DIAPH2: variants seen among roughly 807,000 people sequenced by gnomAD.
The protein encoded by DIAPH2 is protein diaphanous homolog 2.
In DIAPH2, 35 loss-of-function variants were observed where a neutral mutation model predicts 92.7. That is an observed-to-expected ratio of 0.38 (90% CI 0.29 to 0.50). DIAPH2 has a LOEUF of 0.50. Among genes scored for constraint, DIAPH2 ranks in the 20% least tolerant of loss-of-function variants. DIAPH2 has a pLI of 0.94. For synonymous variants in DIAPH2, 301 were observed against 280.4 expected (o/e 1.07, Z -0.73); for missense variants, 701 against 819.5 (o/e 0.86, Z 1.77).
At chrX:97,129,146 C>CTTTTCTTTCTTTTCTTTTCTTTTCTTTCT (rs113199689) in intron 21 of DIAPH2, among the ~76,000 whole-genome samples, 4 of 36,557 alleles carry the variant, frequency 1.1e-4, no homozygotes, top group African/African-American at 5.0e-4. Flanking sequence ...CTTTTCTTTT[C>CTTTTCTTTCTTTTCTTTTCTTTTCTTTCT]TTTCTTTTCT....
intron 5 of DIAPH2, among the ~76,000 whole-genome samples, chrX:96,888,611 ATATC>A (rs1214802071): frequency 1.0e-5 from 1 of 99,934 alleles, no homozygotes; most frequent in Non-Finnish European, 2.0e-5. Context: ...ATATCTATAT[ATATC>A]TATATATATA....
chrX:97,218,598 A>G (rs1602425564), intron 22 of DIAPH2, among the ~76,000 whole-genome samples: 1 of 110,608 alleles, frequency 9.0e-6, no homozygotes, highest in East Asian at 2.9e-4. Context: ...GCCTGCTAAT[A>G]CAAGAAAAAA....
intron 26 of DIAPH2, among the ~76,000 whole-genome samples, chrX:97,517,316 A>T (rs2070956578): frequency 8.9e-6 from 1 of 112,193 alleles, no homozygotes; most frequent in Admixed American, 9.5e-5. Flanking sequence ...AAAAAAAATT[A>T]TTTACAGACC....
intron 17 of DIAPH2, among the ~76,000 whole-genome samples, chrX:97,035,543 G>A (rs1301489897): frequency 9.0e-6 from 1 of 111,583 alleles, no homozygotes; most frequent in Non-Finnish European, 1.9e-5. Context: ...TCTTGAATTA[G>A]ATATGTACAA....
chrX:97,589,026 T>TATATATATATATATATATATATATATAA (rs1186044758), intron 26 of DIAPH2, among the ~76,000 whole-genome samples: 1 of 84,913 alleles, frequency 1.2e-5, no homozygotes, highest in African/African-American at 4.0e-5. Context: ...TATATATATA[T>TATATATATATATATATATATATATATAA]AAAAGAATCA....
intron 23 of DIAPH2, among the ~76,000 whole-genome samples, 180 bp downstream of exon 23, chrX:97,248,019 CA>C (rs1398586974): frequency 1.8e-5 from 2 of 111,506 alleles, no homozygotes; most frequent in Admixed American, 1.9e-4. Flanking sequence ...AACCAGTAGG[CA>C]AGGGAACAAT....
At chrX:97,516,210 G>T (rs780789800) in intron 26 of DIAPH2, among the ~76,000 whole-genome samples, 1 of 109,560 alleles carries the variant, frequency 9.1e-6, no homozygotes, top group Non-Finnish European at 1.9e-5. Context: ...AGCCGAGATC[G>T]CGCCACTGCA....
chrX:96,691,296 CAGG>C (rs2063797138), intron 1 of DIAPH2, among the ~76,000 whole-genome samples: 1 of 111,286 alleles, frequency 9.0e-6, no homozygotes, highest in Admixed American at 9.6e-5. Context: ...CCCCTCAAGA[CAGG>C]AGAAACTATG....
intron 22 of DIAPH2, among the ~76,000 whole-genome samples, chrX:97,240,460 G>A (rs1196200970): frequency 9.1e-6 from 1 of 110,443 alleles, no homozygotes; most frequent in Admixed American, 9.7e-5. Context: ...CAAAAAGTTA[G>A]CCGGGCGTGG....
chrX:97,552,940 C>T (rs1273011107), intron 26 of DIAPH2, among the ~76,000 whole-genome samples: 1 of 111,307 alleles, frequency 9.0e-6, no homozygotes, highest in Non-Finnish European at 1.9e-5. Context: ...TCTCACTGTG[C>T]CCTAATGTGA....
At chrX:97,302,595 G>A (rs752224299) in intron 23 of DIAPH2, among the ~76,000 whole-genome samples, 1 of 111,678 alleles carries the variant, frequency 9.0e-6, no homozygotes, top group Non-Finnish European at 1.9e-5. Flanking sequence ...CCTCTGAGGA[G>A]GCAGTGTAAC....
intron 19 of DIAPH2, among the ~76,000 whole-genome samples, chrX:97,091,358 G>A (rs762687222): frequency 1.8e-5 from 2 of 110,752 alleles, no homozygotes; most frequent in Non-Finnish European, 3.8e-5. Context: ...ATCCTACGTC[G>A]CTGCAGCATC....
At chrX:97,283,391 A>G (rs2068514344) in intron 23 of DIAPH2, among the ~76,000 whole-genome samples, 2 of 111,737 alleles carry the variant, frequency 1.8e-5, no homozygotes, top group African/African-American at 6.5e-5. Context: ...GCCCAAGCTC[A>G]CATAGATAAC....
intron 23 of DIAPH2, among the ~76,000 whole-genome samples, chrX:97,321,462 T>G (rs750035470): frequency 9.1e-6 from 1 of 110,209 alleles, no homozygotes; most frequent in East Asian, 2.8e-4. Context: ...TTACATGTCA[T>G]TGCATTCAGA....
At chrX:97,478,423 C>G (rs2070626796) in intron 26 of DIAPH2, among the ~76,000 whole-genome samples, 1 of 111,852 alleles carries the variant, frequency 8.9e-6, no homozygotes, top group African/African-American at 3.2e-5. Context: ...TTCTTTGAAG[C>G]TCTGTTTTCT....
chrX:96,964,341 T>C (rs2065882007), intron 16 of DIAPH2, among the ~76,000 whole-genome samples: 1 of 112,252 alleles, frequency 8.9e-6, no homozygotes, highest in South Asian at 3.7e-4. Context: ...ATTACAAAGC[T>C]GTTGCCTAGT....
At chrX:97,447,276 T>G (rs1164662005) in intron 26 of DIAPH2, among the ~76,000 whole-genome samples, 2 of 111,127 alleles carry the variant, frequency 1.8e-5, no homozygotes. Context: ...CTTGTGCCCT[T>G]TTCTGAGTGT....
intron 25 of DIAPH2, among the ~76,000 whole-genome samples, chrX:97,415,816 A>G (rs1168442582): frequency 9.0e-6 from 1 of 110,924 alleles, no homozygotes; most frequent in African/African-American, 3.3e-5. Context: ...ACAAGCCTGC[A>G]TGTCGTGCAC....
intron 21 of DIAPH2, among the ~76,000 whole-genome samples, chrX:97,120,610 G>A (rs867701658): frequency 1.3e-5 from 1 of 78,784 alleles, no homozygotes; most frequent in Non-Finnish European, 2.5e-5. Flanking sequence ...AGAGTTTTTT[G>A]TGGGTTTTTT....
Sources: allele counts gnomAD v4.1 joint callset (sites outside exome capture counted in the v4.1 genomes callset), GRCh38; gene constraint gnomAD v4.1.1; transcripts MANE v1.5; gene names NCBI Gene and HGNC (gene_info 2026-07-23, HGNC 2026-07-21).